Variants in GRIP1 observed in about 807,000 individuals in gnomAD.
The protein encoded by GRIP1 is glutamate receptor interacting protein 1.
Under a neutral mutation model 129.9 loss-of-function variants are expected in GRIP1, and 45 were observed. The ratio of observed to expected loss-of-function variants is 0.35; its 90% CI spans 0.27 to 0.44. The LOEUF (loss-of-function observed/expected upper bound fraction) is 0.44, where lower values mean the gene tolerates loss of function less well. Ranked by LOEUF, GRIP1 falls within the 20% of genes least tolerant of loss-of-function variation. The probability of loss-of-function intolerance (pLI) is 1.00; values close to 1 mark genes in which losing one functional copy is unlikely to be tolerated. For synonymous variants in GRIP1, 530 were observed against 520.8 expected, an observed-to-expected ratio of 1.02 and a Z score of -0.24; for missense variants, 1,196 against 1,396.8, an observed-to-expected ratio of 0.86 and a Z score of 2.29.
Position 66,894,670 on chromosome 12 carries a change from A to G in GRIP1, c.58+174380T>C, listed in dbSNP as rs190591648. ...TGCCAAGGCTCCTGAGCTAATCATGAAAATGGCAAGAATTAGATCAGAAGA... is the reference window on the plus strand; with the variant it reads ...TGCCAAGGCTCCTGAGCTAATCATGGAAATGGCAAGAATTAGATCAGAAGA... On this transcript the variant is annotated intron_variant, in intron 1 of 1. Coordinates refer to the GRIP1 transcript ENST00000643019. 4.2e-3 allele frequency among the ~76,000 whole-genome samples: 644 copies of G among 152,178 alleles called. 4 individuals are homozygous for G. Among genetic ancestry groups the G allele is most frequent in the African/African-American group, 0.015 (625 of 41,508 alleles).
chr12:66,702,287 C>G (rs1417266418), intron 1 of GRIP1, among the ~76,000 whole-genome samples: 1 of 152,084 alleles, frequency 6.6e-6, no homozygotes, highest in African/African-American at 2.4e-5. Context: ...CAGAGAAGGA[C>G]CAAATGCTTC....
chr12:67,006,800 C>T (rs2042634115), intron 1 of GRIP1, among the ~76,000 whole-genome samples: 1 of 152,090 alleles, frequency 6.6e-6, no homozygotes, highest in South Asian at 2.1e-4. Flanking sequence ...GTTGCTTTTC[C>T]GTTTACCCAT....
chr12:67,069,165 C>T, upstream of GRIP1: 1 of 947,492 alleles, frequency 1.1e-6, no homozygotes, highest in Non-Finnish European at 1.3e-6. Flanking sequence ...TCTCTTTCTC[C>T]GGGGCTCTCC....
At chr12:66,536,528 C>T (rs1179956376) in intron 4 of GRIP1, among the ~76,000 whole-genome samples, 1 of 152,172 alleles carries the variant, frequency 6.6e-6, no homozygotes, top group Non-Finnish European at 1.5e-5. Context: ...CTTCCGGGAA[C>T]TCTTTTCCCC....
At chr12:66,498,960 G>A (rs915632155) in intron 7 of GRIP1, among the ~76,000 whole-genome samples, 1 of 152,158 alleles carries the variant, frequency 6.6e-6, no homozygotes, top group Admixed American at 6.5e-5. Flanking sequence ...TAGTGCATTG[G>A]GGGAAAGGTA....
At chr12:66,928,181 C>T (rs943179467) in intron 1 of GRIP1, among the ~76,000 whole-genome samples, 1 of 152,134 alleles carries the variant, frequency 6.6e-6, no homozygotes, top group Non-Finnish European at 1.5e-5. Flanking sequence ...AAAGTATCCC[C>T]ATATAAACCT....
chr12:66,750,849 A>G (rs1292944883), intron 1 of GRIP1, among the ~76,000 whole-genome samples: 1 of 152,224 alleles, frequency 6.6e-6, no homozygotes, highest in Non-Finnish European at 1.5e-5. Context: ...ACCAAATGAC[A>G]GATATCAAAG....
chr12:66,478,705 A>G (rs7961823), intron 7 of GRIP1, among the ~76,000 whole-genome samples: 52,729 of 151,984 alleles, frequency 0.35, 9,623 homozygotes, highest in Non-Finnish European at 0.41. Context: ...GCCATAAAAA[A>G]AAGATGAGTT....
intron 2 of GRIP1, among the ~76,000 whole-genome samples, chr12:66,587,028 T>A (rs1266867355): frequency 6.6e-6 from 1 of 152,206 alleles, no homozygotes; most frequent in African/African-American, 2.4e-5. Flanking sequence ...GACACAGCCT[T>A]GTCTCTTCTC....
At chr12:67,064,091 T>G (rs1488529414) in intron 1 of GRIP1, among the ~76,000 whole-genome samples, 1 of 152,218 alleles carries the variant, frequency 6.6e-6, no homozygotes, top group Non-Finnish European at 1.5e-5. Context: ...TTACTTAAAA[T>G]GTAGTCAAAT....
At chr12:66,978,952 C>G (rs1165549925) in intron 1 of GRIP1, among the ~76,000 whole-genome samples, 3 of 151,852 alleles carry the variant, frequency 2.0e-5, no homozygotes, top group Non-Finnish European at 4.4e-5. Context: ...GACACAGCCA[C>G]AACCCAAGCC....
chr12:66,811,825 C>A (rs1331327386), intron 1 of GRIP1, among the ~76,000 whole-genome samples: 2 of 152,164 alleles, frequency 1.3e-5, no homozygotes, highest in African/African-American at 4.8e-5. Context: ...CATTTGGCTA[C>A]AGGAACATTT....
chr12:66,725,123 C>G (rs2136466750), intron 1 of GRIP1, among the ~76,000 whole-genome samples: 1 of 152,158 alleles, frequency 6.6e-6, no homozygotes, highest in Middle Eastern at 3.4e-3. Context: ...GAAACCCCAG[C>G]TTTACAACAA....
rs553204834 is a variant in GRIP1 at position 66,462,792 on chromosome 12, A to T, written c.1042+132T>A. 82 of 606,832 alleles carry T rather than the reference A, an allele frequency of 1.4e-4. No individual in the cohort carries two copies. In the African/African-American group the frequency reaches 2.0e-3, roughly 14 times the overall value. The allele number at this position is 606,832 out of a possible 1,614,324, so 37.6% of individuals were successfully genotyped here. A position where few individuals can be genotyped will look rare whatever the true frequency, so the allele number is the denominator to read the frequency against. ...ATTCCAGTCTGGGGGACAGAGTGAG[A>T]CTCCATCTCAAAAAAAAAAAAAAAA... On this transcript the variant is annotated intron_variant, in intron 9 of 24. Coordinates refer to ENST00000359742, the MANE Select transcript of GRIP1 (RefSeq NM_001366722.1).
chr12:66,578,889 A>G (rs2063250914), intron 2 of GRIP1, among the ~76,000 whole-genome samples: 1 of 152,228 alleles, frequency 6.6e-6, no homozygotes, highest in Non-Finnish European at 1.5e-5. Flanking sequence ...CCTGTCTGAC[A>G]GCTTTGAAGA....
chr12:66,738,242 CAG>C (rs1376073340), intron 1 of GRIP1, among the ~76,000 whole-genome samples: 8 of 150,688 alleles, frequency 5.3e-5, no homozygotes, highest in African/African-American at 1.7e-4. Context: ...TTTTTTGAGA[CAG>C]AGTCTCCCTC....
intron 1 of GRIP1, among the ~76,000 whole-genome samples, chr12:66,633,302 C>CACTATACTAT (rs111238786): frequency 0.031 from 4,530 of 145,248 alleles, 84 homozygotes; most frequent in Middle Eastern, 0.058. Flanking sequence ...TACCATACTA[C>CACTATACTAT]ACTATACTAT....
chr12:67,052,245 C>A (rs184244755), intron 1 of GRIP1, among the ~76,000 whole-genome samples: 2 of 152,284 alleles, frequency 1.3e-5, no homozygotes, highest in Admixed American at 1.3e-4. Context: ...CCCCCTCCCT[C>A]AACCATCTTC....
chr12:66,964,072 G>A (rs1443878394), intron 1 of GRIP1, among the ~76,000 whole-genome samples: 2 of 151,976 alleles, frequency 1.3e-5, no homozygotes, highest in African/African-American at 4.8e-5. Context: ...CACCTCCACC[G>A]TCAACTTCAG....
Sources: gnomAD v4.1 joint callset for allele counts (sites outside exome capture counted in the v4.1 genomes callset) on GRCh38, gnomAD v4.1.1 for gene constraint, MANE v1.5 for transcripts, NCBI Gene and HGNC (gene_info 2026-07-23, HGNC 2026-07-21) for gene names.